Variants in TCERG1L observed in about 807,000 individuals in gnomAD.
The protein encoded by TCERG1L is transcription elongation regulator 1-like protein.
TCERG1L carries 37 observed loss-of-function variants against 56.3 expected under a neutral mutation model. The ratio of observed to expected loss-of-function variants is 0.66; its 90% CI spans 0.51 to 0.87. The LOEUF (loss-of-function observed/expected upper bound fraction) is 0.87, where lower values mean the gene tolerates loss of function less well. Among genes scored for constraint, TCERG1L ranks in the 40% least tolerant of loss-of-function variants. TCERG1L has a pLI of 0.00. For synonymous variants in TCERG1L, 324 were observed against 326.3 expected, an observed-to-expected ratio of 0.99 and a Z score of 0.08; for missense variants, 799 against 774.2, an observed-to-expected ratio of 1.03 and a Z score of -0.38.
chr10:131,171,701 G>C (rs1054624900), intron 4 of TCERG1L, among the ~76,000 whole-genome samples: 2 of 152,184 alleles, frequency 1.3e-5, no homozygotes, highest in Admixed American at 1.3e-4. Context: ...CTCCCGAGCA[G>C]CTGAGATTAC....
chr10:131,159,516 G>A lies in TCERG1L; in HGVS notation c.1034+3606C>T, dbSNP rs1845955758. ...TAAGCATGGGTTGTTTCAAATGGGT[G>A]AGGGAAAATGAGACAGATGAAAGGG... On this transcript the variant is annotated intron_variant, in intron 6 of 11. Transcript: ENST00000368642. Among the ~76,000 whole-genome samples, 6 of 152,176 alleles carry A rather than the reference G, an allele frequency of 3.9e-5. No homozygotes were observed. In the South Asian group the frequency reaches 1.2e-3, roughly 32 times the overall value.
intron 4 of TCERG1L, among the ~76,000 whole-genome samples, chr10:131,194,056 C>A (rs993533781): frequency 6.6e-6 from 1 of 152,128 alleles, no homozygotes; most frequent in East Asian, 1.9e-4. Flanking sequence ...AATAGCCACA[C>A]CTCCAACCCC....
At position 131,308,211 on chromosome 10, in the gene TCERG1L, C is replaced by G; in HGVS notation, c.670G>C (p.Gly224Arg). ...TVVLAPQPIP[G>R]GCHNSLKVTS... The stretch of plus-strand genomic sequence containing the variant: ...TTGTCAATGTTATTTGGGCACCAAC[C>G]TGGGATGGGCTGAGGTGCTAACACC... Residue 224 changes from glycine to arginine, a missense_variant and splice_region_variant, in exon 3 of 12, where the codon GGT becomes CGT. Gly to Arg is a moderately radical substitution (Grantham distance 125). Coordinates refer to ENST00000368642, the MANE Select transcript of TCERG1L (RefSeq NM_174937.4). 1.2e-6 allele frequency: 2 copies of G among 1,600,028 alleles called. No individual in the cohort carries two copies. The highest frequency in any genetic ancestry group is 1.7e-6 in the Non-Finnish European group (2 of 1,174,820).
At chr10:131,248,126 TCACA>T (rs1401092664) in intron 4 of TCERG1L, among the ~76,000 whole-genome samples, 1 of 150,400 alleles carries the variant, frequency 6.6e-6, no homozygotes, top group Non-Finnish European at 1.5e-5. Flanking sequence ...ACTGGTAAAT[TCACA>T]CACACACGAC....
chr10:131,164,179 G>C (rs60560958), intron 5 of TCERG1L: 1 of 143,932 alleles, frequency 6.9e-6, no homozygotes, highest in East Asian at 2.0e-4. Context: ...TTATCACCTA[G>C]AATAAAATGA....
At chr10:131,298,226 T>C (rs1248127825) in intron 3 of TCERG1L, among the ~76,000 whole-genome samples, 2 of 152,052 alleles carry the variant, frequency 1.3e-5, no homozygotes, top group African/African-American at 4.8e-5. Context: ...TTTTGTGATA[T>C]TGATTTTGAT....
intron 6 of TCERG1L, chr10:131,161,183 C>T (rs1469391599): frequency 1.3e-5 from 2 of 152,358 alleles, no homozygotes; most frequent in Non-Finnish European, 1.5e-5. Context: ...TACCTTCTCA[C>T]ATTTGGATGT....
chr10:131,188,440 C>A (rs35538404), intron 4 of TCERG1L, among the ~76,000 whole-genome samples: 35,705 of 152,028 alleles, frequency 0.23, 4,356 homozygotes, highest in Middle Eastern at 0.32. Context: ...AGTCTGAGAG[C>A]AATGAACTTC....
chr10:131,181,603 C>G (rs1845176201), intron 4 of TCERG1L, among the ~76,000 whole-genome samples: 1 of 152,254 alleles, frequency 6.6e-6, no homozygotes. Flanking sequence ...GGACAAGAGC[C>G]TGCTGAGCCA....
intron 4 of TCERG1L, among the ~76,000 whole-genome samples, chr10:131,231,271 C>G (rs1165210445): frequency 6.6e-6 from 1 of 152,208 alleles, no homozygotes; most frequent in Non-Finnish European, 1.5e-5. Flanking sequence ...AGGATGGCTC[C>G]TAAGCTGTGA....
chr10:131,202,753 C>A (rs1845455871), intron 4 of TCERG1L, among the ~76,000 whole-genome samples: 1 of 152,128 alleles, frequency 6.6e-6, no homozygotes, highest in African/African-American at 2.4e-5. Flanking sequence ...TTCTGATTAT[C>A]TGATTATCAA....
chr10:131,292,815 G>T (rs755023814), intron 3 of TCERG1L, among the ~76,000 whole-genome samples: 1 of 150,310 alleles, frequency 6.7e-6, no homozygotes. Context: ...ATGTGTTTTC[G>T]TGTCCATGAG....
At chr10:131,287,919 G>A (rs955670051) in intron 3 of TCERG1L, among the ~76,000 whole-genome samples, 5 of 152,192 alleles carry the variant, frequency 3.3e-5, no homozygotes, top group African/African-American at 1.2e-4. Flanking sequence ...TGTGCTCTCA[G>A]TAATGACATG....
chr10:131,273,097 G>A (rs186604942), intron 3 of TCERG1L, among the ~76,000 whole-genome samples: 40 of 152,222 alleles, frequency 2.6e-4, no homozygotes, highest in Non-Finnish European at 4.7e-4. Context: ...GGCCCGGGGC[G>A]CCTCACTCAG....
chr10:131,255,608 G>A (rs796298708), intron 4 of TCERG1L, among the ~76,000 whole-genome samples: 9 of 152,344 alleles, frequency 5.9e-5, no homozygotes, highest in South Asian at 2.1e-4. Flanking sequence ...ACGCTGTGGC[G>A]TGCATGATAT....
intron 4 of TCERG1L, among the ~76,000 whole-genome samples, chr10:131,208,274 C>T (rs1201333760): frequency 2.0e-5 from 3 of 152,220 alleles, no homozygotes; most frequent in Non-Finnish European, 4.4e-5. Context: ...AGGAAGCTCC[C>T]TCTCATGTGA....
Position 131,118,995 on chromosome 10 carries a change from T to C in TCERG1L, c.1260-2061A>G, listed in dbSNP as rs1026636315. On this transcript the variant is annotated intron_variant, in intron 8 of 11. Transcript: ENST00000368642. The surrounding 1 kb of genome is among the most constrained non-coding windows in gnomAD (Gnocchi z 4.2). ...GGACAGCCCCCACCACGCAGGCTCA[T>C]GTGGCCCAAGTGGGTCTCCCCCAGG... Among the ~76,000 whole-genome samples, 2 of 152,142 alleles carry C rather than the reference T, an allele frequency of 1.3e-5. No individual in the cohort carries two copies. Among genetic ancestry groups the C allele is most frequent in the African/African-American group, 4.8e-5 (2 of 41,442 alleles).
intron 11 of TCERG1L, chr10:131,095,839 C>T (rs1427619239): frequency 2.0e-5 from 3 of 152,132 alleles, no homozygotes; most frequent in Non-Finnish European, 4.4e-5. Flanking sequence ...TTCTACCACT[C>T]GTTTTCCTTC....
At chr10:131,273,103 C>T (rs1846355892) in intron 3 of TCERG1L, among the ~76,000 whole-genome samples, 1 of 152,192 alleles carries the variant, frequency 6.6e-6, no homozygotes, top group South Asian at 2.1e-4. Context: ...GGGCGCCTCA[C>T]TCAGGCAGCG....
Sources: allele counts gnomAD v4.1 joint callset (sites outside exome capture counted in the v4.1 genomes callset), GRCh38; gene constraint gnomAD v4.1.1; non-coding constraint Gnocchi (gnomAD v3.1); transcripts MANE v1.5; gene names NCBI Gene and HGNC (gene_info 2026-07-23, HGNC 2026-07-21).